RYR3: variants seen among roughly 807,000 people sequenced by gnomAD.
RYR3 encodes the protein brain ryanodine receptor-calcium release channel.
In RYR3, 207 loss-of-function variants were observed where a neutral mutation model predicts 584.3. The ratio of observed to expected loss-of-function variants is 0.35; its 90% CI spans 0.32 to 0.40. The LOEUF is 0.40. Among genes scored for constraint, RYR3 ranks in the 10% least tolerant of loss-of-function variants. RYR3 has a pLI of 1.00. For synonymous variants in RYR3, 2,416 were observed against 2,248.5 expected, an observed-to-expected ratio of 1.07 and a Z score of -2.11; for missense variants, 5,616 against 6,089.2, an observed-to-expected ratio of 0.92 and a Z score of 2.59.
chr15:33,838,693 C>G lies in RYR3; in HGVS notation c.12713C>G (p.Pro4238Arg). The change falls in exon 89 of 104, where the codon CCA becomes CGA. Residue 4238 changes from proline (P) to arginine (R), a missense_variant. Transcript: ENST00000634891. ...VTKILGDMPD[P>R]TQFGIHDDTM... is the part of the protein sequence containing the mutation. ...AAGATCCTGGGTGACATGCCTGACC[C>G]AACCCAATTTGGTATCCATGATGAC... The G allele has an allele frequency of 3.1e-6, 5 of 1,613,908 alleles. No homozygotes were observed. The highest frequency in any genetic ancestry group is 4.2e-6 in the Non-Finnish European group (5 of 1,179,880).
At chr15:33,752,530 T>G (rs1189517025) in intron 57 of RYR3, among the ~76,000 whole-genome samples, 1 of 151,450 alleles carries the variant, frequency 6.6e-6, no homozygotes, top group African/African-American at 2.4e-5. Flanking sequence ...GGCTCTCTGT[T>G]TGTCTTTTAT....
At chr15:33,612,165 A>C (rs1387083211) in intron 18 of RYR3, among the ~76,000 whole-genome samples, 1 of 152,220 alleles carries the variant, frequency 6.6e-6, no homozygotes, top group African/African-American at 2.4e-5. Context: ...TAGAATTTCC[A>C]GAATAAGATG....
At chr15:33,597,080 A>T (rs1020359444) in intron 16 of RYR3, among the ~76,000 whole-genome samples, 2 of 152,236 alleles carry the variant, frequency 1.3e-5, no homozygotes, top group African/African-American at 4.8e-5. Context: ...AGATACAACT[A>T]TTATCATTAA....
rs549575296 is a variant in RYR3, at chr15:33,783,674, C to T, written c.9269-1988C>T. On this transcript the variant is annotated intron_variant, in intron 65 of 103. Coordinates refer to ENST00000634891, the MANE Select transcript of RYR3 (RefSeq NM_001036.6). Reference sequence around the variant, plus strand: ...AAATAGTTGTAAATTTCAGTTGCGTCTATGGCAGTGGCATTGTTCTGTGTG... The same window carrying T: ...AAATAGTTGTAAATTTCAGTTGCGTTTATGGCAGTGGCATTGTTCTGTGTG... Among the ~76,000 whole-genome samples the T allele has an allele frequency of 4.6e-5, 7 of 152,338 alleles. No individual in the cohort carries two copies. The East Asian group carries it at 1.3e-3, about 29-fold the overall frequency.
intron 5 of RYR3, among the ~76,000 whole-genome samples, chr15:33,538,103 T>C (rs184840094): frequency 1.3e-5 from 2 of 152,284 alleles, no homozygotes; most frequent in Admixed American, 6.5e-5. Context: ...ATTATAAGAT[T>C]TTTTAAGTTT....
intron 11 of RYR3, among the ~76,000 whole-genome samples, chr15:33,564,906 A>T (rs1443643967): frequency 6.6e-6 from 1 of 152,264 alleles, no homozygotes; most frequent in East Asian, 1.9e-4. Flanking sequence ...GAAGCATGTT[A>T]AGTGCCCTCT....
At chr15:33,634,923 A>G (rs569458002) in intron 25 of RYR3, among the ~76,000 whole-genome samples, 190 bp downstream of exon 25, 3 of 152,296 alleles carry the variant, frequency 2.0e-5, no homozygotes, top group African/African-American at 7.2e-5. Flanking sequence ...CCATCATCCC[A>G]TTGACAGATT....
In RYR3 at chr15:33,624,007, C is replaced by T; in HGVS notation, c.2558C>T (p.Pro853Leu). ...TCCCAAGCCTCTTTCATCCCATGCC[C>T]CGTAGACACCAGTCAGGTAGGTTCA... ...FLSQASFIPC[P>L]VDTSQVILPP... is the part of the protein sequence containing the mutation. Residue 853 changes from proline to leucine, a missense_variant, in exon 20 of 104, where the codon CCC becomes CTC. This residue lies in a region of RYR3 where 1,284 missense variants were observed against 1,344.6 expected (regional missense o/e 0.95). Transcript: ENST00000634891. 1 of 1,613,638 alleles carries T rather than the reference C, an allele frequency of 6.2e-7. No homozygotes were observed.
chr15:33,736,192 T>C (rs1332661088), intron 48 of RYR3, 43 bp from the exon 49 acceptor site: 1 of 1,267,616 alleles, frequency 7.9e-7, no homozygotes, highest in Admixed American at 1.8e-5. Flanking sequence ...TTTATTATTA[T>C]GTTTTCATTT....
chr15:33,828,123 T>C (rs2152967534), intron 85 of RYR3, among the ~76,000 whole-genome samples: 1 of 152,370 alleles, frequency 6.6e-6, no homozygotes, highest in East Asian at 1.9e-4. Flanking sequence ...TGGTGATCTG[T>C]GATCAGTGAT....
chr15:33,333,878 G>C (rs1043935761), intron 1 of RYR3, among the ~76,000 whole-genome samples: 1 of 152,050 alleles, frequency 6.6e-6, no homozygotes, highest in Non-Finnish European at 1.5e-5. Flanking sequence ...TGCAAAAATT[G>C]CTAATATTCT....
chr15:33,757,331 T>C, intron 59 of RYR3, 144 bp from the exon 60 acceptor site: 1 of 863,960 alleles, frequency 1.2e-6, no homozygotes. Flanking sequence ...CGATGGAAAC[T>C]GGGACCAAAG....
In RYR3 at chr15:33,685,284, G is replaced by A. The variant is rs921335594; in HGVS notation, c.5861-10934G>A. Among the ~76,000 whole-genome samples the A allele has an allele frequency of 9.2e-5, 14 of 152,280 alleles. No homozygotes were observed. The Middle Eastern group carries it at 0.014, about 148-fold the overall frequency. On this transcript the variant is annotated intron_variant, in intron 38 of 103. Transcript: ENST00000634891. The stretch of plus-strand genomic sequence containing the variant: ...AGCAAATGGAAAGCAATAAAAAGCA[G>A]GGGTTGCAATCCTAGTCTCTGATAA...
intron 3 of RYR3, among the ~76,000 whole-genome samples, chr15:33,514,798 G>T (rs560083424): frequency 6.6e-6 from 1 of 151,924 alleles, no homozygotes; most frequent in Non-Finnish European, 1.5e-5. Flanking sequence ...TCAGGAGATC[G>T]AGACCATCCT....
intron 16 of RYR3, among the ~76,000 whole-genome samples, chr15:33,596,113 C>T (rs532324037): frequency 6.7e-5 from 10 of 149,080 alleles, no homozygotes; most frequent in African/African-American, 1.2e-4. Flanking sequence ...ACTTTCTTTA[C>T]GTCTTTTTTA....
At chr15:33,791,916 G>A (rs917996286) in intron 67 of RYR3, among the ~76,000 whole-genome samples, 1 of 152,146 alleles carries the variant, frequency 6.6e-6, no homozygotes, top group African/African-American at 2.4e-5. Context: ...ATAGGAGGAA[G>A]GTAGTGGACA....
chr15:33,853,943 C>G (rs1375584336), intron 96 of RYR3, among the ~76,000 whole-genome samples: 1 of 152,074 alleles, frequency 6.6e-6, no homozygotes, highest in Non-Finnish European at 1.5e-5. Context: ...CCTGTAATCC[C>G]AGCACTTTGG....
In RYR3 at chr15:33,324,399, A is replaced by T. The variant is rs148820318; in HGVS notation, c.51+13303A>T. Among the ~76,000 whole-genome samples, 15 of 152,340 alleles carry T rather than the reference A, an allele frequency of 9.8e-5. 1 individual carries two copies. In the South Asian group the frequency reaches 1.0e-3, roughly 11 times the overall value. On this transcript the variant is annotated intron_variant, in intron 1 of 103. Transcript: ENST00000634891. Reference sequence around the variant, plus strand: ...AGGAGTAGGAGCACAGAGTCCAAACATCACTAATGTCGCCATTTTTATCCC... The same window carrying T: ...AGGAGTAGGAGCACAGAGTCCAAACTTCACTAATGTCGCCATTTTTATCCC...
chr15:33,414,714 C>G lies in RYR3; in HGVS notation c.52-58705C>G, dbSNP rs375753170. ...CCGCCTCCTGGGTTCACGCCATTCC[C>G]GCGCCTCAGCCTCCCAAGTAGCTGG... On this transcript the variant is annotated intron_variant, in intron 1 of 103. Transcript: ENST00000634891. Among the ~76,000 whole-genome samples the G allele has an allele frequency of 3.3e-5, 5 of 152,224 alleles. No homozygotes were observed. In the South Asian group the frequency reaches 1.0e-3, roughly 32 times the overall value.
Sources: gnomAD v4.1 joint callset for allele counts (sites outside exome capture counted in the v4.1 genomes callset) on GRCh38, gnomAD v4.1.1 for gene constraint, gnomAD v4.1.1 regional missense constraint, MANE v1.5 for transcripts, NCBI Gene and HGNC (gene_info 2026-07-23, HGNC 2026-07-21) for gene names.